The following NAV3 variants were observed in gnomAD, a reference collection of about 807,000 sequenced individuals.
NAV3 encodes the protein neuron navigator 3.
A neutral mutation model predicts 244.7 loss-of-function variants in NAV3; 87 were observed. The ratio of observed to expected loss-of-function variants is 0.36; its 90% CI spans 0.30 to 0.42. The LOEUF (loss-of-function observed/expected upper bound fraction) is 0.42, where lower values mean the gene tolerates loss of function less well. Ranked by LOEUF, NAV3 falls within the 20% of genes least tolerant of loss-of-function variation. The pLI, the probability that NAV3 is intolerant of heterozygous loss-of-function variation, is 1.00. For synonymous variants in NAV3, 1,126 were observed against 1,042.2 expected, an observed-to-expected ratio of 1.08 and a Z score of -1.55; for missense variants, 2,663 against 2,893.3, an observed-to-expected ratio of 0.92 and a Z score of 1.83.
chr12:78,115,306 A>G (rs554740240), intron 12 of NAV3, among the ~76,000 whole-genome samples: 1 of 152,280 alleles, frequency 6.6e-6, no homozygotes, highest in African/African-American at 2.4e-5. Flanking sequence ...TCTTTACAGC[A>G]GTGCCCCACT....
chr12:77,979,428 G>T (rs1869126795), intron 5 of NAV3, among the ~76,000 whole-genome samples: 1 of 151,680 alleles, frequency 6.6e-6, no homozygotes, highest in Non-Finnish European at 1.5e-5. Context: ...AAATAAAAAA[G>T]CTATAATGAT....
chr12:78,041,010 A>C (rs958279219), intron 9 of NAV3, among the ~76,000 whole-genome samples: 1 of 152,222 alleles, frequency 6.6e-6, no homozygotes, highest in African/African-American at 2.4e-5. Context: ...GAAAGATAGA[A>C]TTCTTTATAG....
chr12:77,946,268 C>A (rs1441602313), intron 3 of NAV3, among the ~76,000 whole-genome samples: 1 of 149,206 alleles, frequency 6.7e-6, no homozygotes, highest in Non-Finnish European at 1.5e-5. Context: ...TGCGCGTGCA[C>A]CTTATAAAGA....
rs557199336 is a variant in NAV3 at position 77,862,223 on chromosome 12, A to G, written c.243+30519A>G. On this transcript the variant is annotated intron_variant, in intron 1 of 39. Transcript: ENST00000397909. The stretch of plus-strand genomic sequence containing the variant: ...GTCCTCTAATTTCATGTTCTATATC[A>G]TTAAAATAATGGTTTTTAATGTTTT... Among the ~76,000 whole-genome samples, 5 of 151,864 alleles carry G rather than the reference A, an allele frequency of 3.3e-5. No individual in the cohort carries two copies. In the East Asian group the frequency reaches 9.7e-4, roughly 29 times the overall value.
chr12:77,930,395 C>T (rs2086231), intron 1 of NAV3, among the ~76,000 whole-genome samples: 59,035 of 151,422 alleles, frequency 0.39, 12,167 homozygotes, highest in African/African-American at 0.54. Flanking sequence ...AATTGCCTCA[C>T]TTTTTTATTG....
At chr12:78,127,337 G>A (rs924089836) in intron 17 of NAV3, 129 bp downstream of exon 17, 3 of 914,026 alleles carry the variant, frequency 3.3e-6, no homozygotes, top group Non-Finnish European at 5.1e-6. Flanking sequence ...TTTTAATTTT[G>A]ATGGTTTCTC....
chr12:77,964,952 T>C (rs896850831), intron 3 of NAV3, among the ~76,000 whole-genome samples: 5 of 152,160 alleles, frequency 3.3e-5, no homozygotes, highest in African/African-American at 4.8e-5. Context: ...GATTCTTGAA[T>C]CTATTTTTTT....
chr12:77,964,899 T>C (rs571006783), intron 3 of NAV3, among the ~76,000 whole-genome samples: 1 of 152,160 alleles, frequency 6.6e-6, no homozygotes, highest in Non-Finnish European at 1.5e-5. Context: ...ATAAAATTAC[T>C]ATTTTAAAGG....
intron 1 of NAV3, among the ~76,000 whole-genome samples, chr12:77,929,910 A>G (rs1888618654): frequency 6.6e-6 from 1 of 150,670 alleles, no homozygotes; most frequent in South Asian, 2.1e-4. Context: ...CGGCCTCCCA[A>G]AGTGCTGGGA....
chr12:77,952,588 A>G (rs1891004543), intron 3 of NAV3, among the ~76,000 whole-genome samples: 1 of 152,144 alleles, frequency 6.6e-6, no homozygotes, highest in African/African-American at 2.4e-5. Context: ...TTGGCAATTT[A>G]GGTCTTTTGA....
At chr12:78,100,749 A>G (rs1373061929) in intron 12 of NAV3, among the ~76,000 whole-genome samples, 1 of 151,988 alleles carries the variant, frequency 6.6e-6, no homozygotes, top group African/African-American at 2.4e-5. Flanking sequence ...CAGACTCAGA[A>G]CTATGTATTT....
At position 77,994,845 on chromosome 12, in the gene NAV3, T is replaced by A; in HGVS notation, c.714T>A (p.Ile238=). The change falls in exon 6 of 40, where the codon ATT becomes ATA. Residue 238 remains isoleucine, a synonymous_variant. Coordinates refer to ENST00000397909, the MANE Select transcript of NAV3 (RefSeq NM_001024383.2). ...CAACTCAGTCTAATCACAGTGGAAT[T>A]GCAACCAGTCAAAAAAAGCCTACTA... ...RYATQSNHSG[I]ATSQKKPTRL... is the part of the protein sequence containing the mutation. 3 of 1,610,014 alleles carry A rather than the reference T, an allele frequency of 1.9e-6. No individual in the cohort carries two copies. Among genetic ancestry groups the A allele is most frequent in the Non-Finnish European group, 2.5e-6 (3 of 1,177,858 alleles).
At chr12:77,619,848 T>G (rs1276984500) in intron 2 of NAV3, among the ~76,000 whole-genome samples, 1 of 151,674 alleles carries the variant, frequency 6.6e-6, no homozygotes, top group Non-Finnish European at 1.5e-5. Flanking sequence ...GAGAGGGAAA[T>G]TGCACGTTAA....
intron 2 of NAV3, among the ~76,000 whole-genome samples, chr12:77,749,074 C>T (rs957837644): frequency 6.6e-6 from 1 of 152,098 alleles, no homozygotes; most frequent in African/African-American, 2.4e-5. Flanking sequence ...AAACCATCCA[C>T]GTTGTTGGAA....
chr12:77,989,245 G>T (rs567699044), intron 5 of NAV3, among the ~76,000 whole-genome samples: 9 of 152,072 alleles, frequency 5.9e-5, no homozygotes, highest in Admixed American at 2.0e-4. Flanking sequence ...GGCAACAGAC[G>T]TTTAAGAGTA....
At chr12:77,715,857 C>T (rs1268653833) in intron 2 of NAV3, among the ~76,000 whole-genome samples, 2 of 151,932 alleles carry the variant, frequency 1.3e-5, no homozygotes, top group Non-Finnish European at 2.9e-5. Flanking sequence ...ATGCAGAATG[C>T]CATTTATGTA....
At chr12:78,112,360 G>A (rs947090523) in intron 12 of NAV3, among the ~76,000 whole-genome samples, 2 of 152,090 alleles carry the variant, frequency 1.3e-5, no homozygotes, top group Admixed American at 6.6e-5. Flanking sequence ...GGGTGGTAAA[G>A]GTCATTCTAT....
At chr12:78,111,959 G>T (rs1955114854) in intron 12 of NAV3, among the ~76,000 whole-genome samples, 1 of 152,042 alleles carries the variant, frequency 6.6e-6, no homozygotes, top group African/African-American at 2.4e-5. Context: ...TGTATTTATT[G>T]GTGTTCCACG....
chr12:77,979,563 T>C (rs1292798973), intron 5 of NAV3, among the ~76,000 whole-genome samples: 6 of 152,054 alleles, frequency 3.9e-5, no homozygotes, highest in African/African-American at 1.2e-4. Context: ...ATCTTGCTTA[T>C]GAGACTTTAA....
Sources: gnomAD v4.1 joint callset for allele counts (sites outside exome capture counted in the v4.1 genomes callset) on GRCh38, gnomAD v4.1.1 for gene constraint, MANE v1.5 for transcripts, NCBI Gene and HGNC (gene_info 2026-07-23, HGNC 2026-07-21) for gene names.